MOXD1: variants seen among roughly 807,000 people sequenced by gnomAD.
MOXD1 encodes the protein monooxygenase DBH like 1, also known as DBH-like monooxygenase protein 1.
In MOXD1, 62 loss-of-function variants were observed where a neutral mutation model predicts 66.6. That is an observed-to-expected ratio of 0.93 (90% CI 0.76 to 1.15). MOXD1 has a LOEUF of 1.15. Ranked by LOEUF, MOXD1 falls within the 50% of genes most tolerant of loss-of-function variation. The probability of loss-of-function intolerance (pLI) is 0.00; values close to 1 mark genes in which losing one functional copy is unlikely to be tolerated. For synonymous variants in MOXD1, 303 were observed against 281.9 expected, an observed-to-expected ratio of 1.07 and a Z score of -0.75; for missense variants, 847 against 754.6, an observed-to-expected ratio of 1.12 and a Z score of -1.44.
intron 4 of MOXD1, among the ~76,000 whole-genome samples, chr6:132,355,573 G>C (rs904088641): frequency 1.3e-5 from 2 of 152,162 alleles, no homozygotes; most frequent in East Asian, 1.9e-4. Flanking sequence ...AACAAGCCCA[G>C]TCTAGACTTC....
intron 4 of MOXD1, among the ~76,000 whole-genome samples, chr6:132,352,074 A>G (rs996679813): frequency 1.5e-4 from 23 of 152,040 alleles, no homozygotes; most frequent in Non-Finnish European, 1.6e-4. Context: ...TCAAAGAATC[A>G]GCTTTTTGTT....
chr6:132,369,991 A>G (rs1235758148), intron 4 of MOXD1, among the ~76,000 whole-genome samples: 2 of 152,134 alleles, frequency 1.3e-5, no homozygotes, highest in Non-Finnish European at 2.9e-5. Flanking sequence ...AATGAAACTG[A>G]CTTCTCACAA....
chr6:132,379,426 C>T (rs1283244520), intron 1 of MOXD1, among the ~76,000 whole-genome samples: 1 of 152,130 alleles, frequency 6.6e-6, no homozygotes, highest in Non-Finnish European at 1.5e-5. Context: ...TGAATTCTTC[C>T]CCCTAAGTTT....
chr6:132,367,489 A>C (rs1257447962), intron 4 of MOXD1, among the ~76,000 whole-genome samples: 1 of 152,048 alleles, frequency 6.6e-6, no homozygotes, highest in Non-Finnish European at 1.5e-5. Context: ...AGGTAAATTG[A>C]TTTGCCTAAG....
At chr6:132,370,654 C>T (rs188155548) in intron 4 of MOXD1, among the ~76,000 whole-genome samples, 67 of 152,236 alleles carry the variant, frequency 4.4e-4, no homozygotes, top group African/African-American at 1.5e-3. Context: ...TTATGACCTA[C>T]TGTCCTTCCC....
At chr6:132,385,100 G>A (rs371037298) in intron 1 of MOXD1, among the ~76,000 whole-genome samples, 2 of 151,814 alleles carry the variant, frequency 1.3e-5, no homozygotes. Context: ...GAAGGAAGGA[G>A]CAGAAAGAAG....
At chr6:132,313,575 C>A (rs1238254264) in intron 10 of MOXD1, among the ~76,000 whole-genome samples, 1 of 152,142 alleles carries the variant, frequency 6.6e-6, no homozygotes, top group Non-Finnish European at 1.5e-5. Flanking sequence ...TTTACCATAT[C>A]CTCACTGAAT....
At chr6:132,384,016 G>A (rs1443772262) in intron 1 of MOXD1, among the ~76,000 whole-genome samples, 1 of 151,496 alleles carries the variant, frequency 6.6e-6, no homozygotes, top group Non-Finnish European at 1.5e-5. Context: ...GTTGCAGTGA[G>A]CCGAGATCAT....
chr6:132,329,614 C>A (rs1775273742), intron 4 of MOXD1, among the ~76,000 whole-genome samples: 1 of 151,896 alleles, frequency 6.6e-6, no homozygotes, highest in African/African-American at 2.4e-5. Context: ...GAGAAGAAGG[C>A]TAGGGCTCAA....
At chr6:132,329,637 G>C (rs1775274633) in intron 4 of MOXD1, among the ~76,000 whole-genome samples, 1 of 151,770 alleles carries the variant, frequency 6.6e-6, no homozygotes. Context: ...ATTTTTACTG[G>C]TGATTTTATC....
chr6:132,334,865 G>A (rs1282904541), intron 4 of MOXD1, among the ~76,000 whole-genome samples: 3 of 152,148 alleles, frequency 2.0e-5, no homozygotes, highest in Admixed American at 6.5e-5. Flanking sequence ...GTAATGAAAC[G>A]ATTCAAAGAA....
intron 4 of MOXD1, among the ~76,000 whole-genome samples, chr6:132,356,667 G>GTAA (rs1775915721): frequency 6.6e-6 from 1 of 152,100 alleles, no homozygotes; most frequent in African/African-American, 2.4e-5. Context: ...TACATAATAG[G>GTAA]AGATTAAATT....
At chr6:132,388,675 C>A (rs186575975) in intron 1 of MOXD1, among the ~76,000 whole-genome samples, 2 of 151,376 alleles carry the variant, frequency 1.3e-5, no homozygotes, top group South Asian at 4.3e-4. Flanking sequence ...ACTGGAAAGA[C>A]GCTGGAGAAT....
chr6:132,373,703 TG>T (rs1414964868), intron 2 of MOXD1, among the ~76,000 whole-genome samples: 2 of 152,214 alleles, frequency 1.3e-5, no homozygotes, highest in Non-Finnish European at 2.9e-5. Context: ...GAGGGTTTGC[TG>T]GGGTGTAAAG....
At chr6:132,318,666 C>T (rs745692856) in intron 9 of MOXD1, among the ~76,000 whole-genome samples, 35 of 151,972 alleles carry the variant, frequency 2.3e-4, no homozygotes, top group Non-Finnish European at 5.0e-4. Flanking sequence ...AAAGCTTTGA[C>T]GTAGTCAAAT....
At chr6:132,325,171 G>T (rs370770778) in intron 6 of MOXD1, 35 of 152,098 alleles carry the variant, frequency 2.3e-4, no homozygotes, top group African/African-American at 8.2e-4. Flanking sequence ...TATTTGCTAT[G>T]TGTTTGTTGA....
At chr6:132,298,544 C>G (rs1774460927) in intron 10 of MOXD1, among the ~76,000 whole-genome samples, 1 of 152,118 alleles carries the variant, frequency 6.6e-6, no homozygotes, top group African/African-American at 2.4e-5. Flanking sequence ...GCTGGCTGAT[C>G]TGTTTTGGCT....
intron 1 of MOXD1, 59 bp from the exon 2 acceptor site, chr6:132,374,836 A>G (rs1360398868): frequency 6.8e-7 from 1 of 1,481,054 alleles, no homozygotes; most frequent in Admixed American, 1.8e-5. Context: ...AAAAGAATTC[A>G]TAGGACCTTT....
intron 10 of MOXD1, among the ~76,000 whole-genome samples, chr6:132,303,206 A>G (rs1774581677): frequency 6.6e-6 from 1 of 152,190 alleles, no homozygotes; most frequent in Non-Finnish European, 1.5e-5. Context: ...TACAGCTTTT[A>G]TAAAATGAAA....
Sources: allele counts gnomAD v4.1 joint callset (sites outside exome capture counted in the v4.1 genomes callset), GRCh38; gene constraint gnomAD v4.1.1; transcripts MANE v1.5; gene names NCBI Gene and HGNC (gene_info 2026-07-23, HGNC 2026-07-21).